The following MGAT4C variants were observed in gnomAD, a reference collection of about 807,000 sequenced individuals.
MGAT4C encodes the protein MGAT4 family member C, also known as alpha-1,3-mannosyl-glycoprotein 4-beta-N-acetylglucosaminyltransferase C.
Under a neutral mutation model 40.1 loss-of-function variants are expected in MGAT4C, and 19 were observed. The observed-to-expected ratio is 0.47, with a 90% CI of 0.33 to 0.70. MGAT4C has a LOEUF of 0.70. Among genes scored for constraint, MGAT4C ranks in the 30% least tolerant of loss-of-function variants. The pLI is 0.02. For synonymous variants in MGAT4C, 181 were observed against 187.1 expected, an observed-to-expected ratio of 0.97 and a Z score of 0.27; for missense variants, 491 against 563.2, an observed-to-expected ratio of 0.87 and a Z score of 1.30.
chr12:86,094,861 CATTAAGTTATAGATTAAAGG>C (rs1260982319), intron 1 of MGAT4C, among the ~76,000 whole-genome samples: 1 of 152,034 alleles, frequency 6.6e-6, no homozygotes, highest in Non-Finnish European at 1.5e-5. Flanking sequence ...TTTCCTTGTA[CATTAAGTTATAGATTAAAGG>C]ATTACAGAGC....
chr12:86,612,792 T>A (rs77318889), intron 2 of MGAT4C, among the ~76,000 whole-genome samples: 1,886 of 144,646 alleles, frequency 0.013, 14 homozygotes, highest in Non-Finnish European at 0.02. Flanking sequence ...CTGCACCAAA[T>A]TAAGCTGTTT....
At chr12:86,346,251 G>A (rs965773875) in intron 3 of MGAT4C, among the ~76,000 whole-genome samples, 3 of 152,050 alleles carry the variant, frequency 2.0e-5, no homozygotes, top group African/African-American at 7.2e-5. Context: ...TTTTGACAGA[G>A]TCTCACTTCT....
At chr12:86,124,704 T>C (rs908399989) in intron 1 of MGAT4C, among the ~76,000 whole-genome samples, 4 of 152,008 alleles carry the variant, frequency 2.6e-5, no homozygotes, top group African/African-American at 9.7e-5. Context: ...GTGGAAGAGG[T>C]TGCTTCAGGT....
intron 2 of MGAT4C, among the ~76,000 whole-genome samples, chr12:86,531,481 G>T (rs1958982475): frequency 6.6e-6 from 1 of 151,994 alleles, no homozygotes; most frequent in Non-Finnish European, 1.5e-5. Context: ...ATTTGGTAAA[G>T]GGCTTCACTT....
intron 3 of MGAT4C, among the ~76,000 whole-genome samples, chr12:86,414,629 T>C (rs1956673007): frequency 6.6e-6 from 1 of 152,172 alleles, no homozygotes; most frequent in African/African-American, 2.4e-5. Flanking sequence ...TCACTTCATG[T>C]TGAAGATCTA....
rs1883830140 is a variant in MGAT4C, at chr12:85,974,640, TA to T, written c.*4648del. ...CATTTCAAAGCATGCCAAAAAGTAA[TA>T]AAAGATATATCCTCTGTTTGGGATA... On this transcript the variant is annotated 3_prime_UTR_variant, in exon 5 of 5. Coordinates refer to ENST00000611864, the MANE Select transcript of MGAT4C (RefSeq NM_001351288.2). 1 of 150,060 alleles carries T rather than the reference TA, an allele frequency of 6.7e-6. No homozygotes were observed. The highest frequency in any genetic ancestry group is 1.5e-5 in the Non-Finnish European group (1 of 66,822). 9.3% of individuals were successfully genotyped at this position (150,060 alleles called of 1,614,324 possible).
chr12:86,052,929 C>G (rs1028602648), intron 1 of MGAT4C, among the ~76,000 whole-genome samples: 1 of 151,944 alleles, frequency 6.6e-6, no homozygotes, highest in African/African-American at 2.4e-5. Flanking sequence ...TAGGTTTCAT[C>G]TCTATAAGCT....
At chr12:86,802,481 C>A (rs1952250749) in intron 1 of MGAT4C, among the ~76,000 whole-genome samples, 1 of 151,966 alleles carries the variant, frequency 6.6e-6, no homozygotes, top group Admixed American at 6.6e-5. Flanking sequence ...TTCAAGCATT[C>A]TGTGTCCTTA....
intron 1 of MGAT4C, among the ~76,000 whole-genome samples, chr12:86,118,636 A>C (rs1878839906): frequency 1.3e-5 from 2 of 152,282 alleles, no homozygotes; most frequent in Middle Eastern, 3.4e-3. Flanking sequence ...TTATTAGTGA[A>C]AAATGATATG....
intron 2 of MGAT4C, among the ~76,000 whole-genome samples, chr12:86,587,681 T>C (rs1427362974): frequency 6.6e-6 from 1 of 152,042 alleles, no homozygotes; most frequent in African/African-American, 2.4e-5. Flanking sequence ...GTAAGGTGGA[T>C]TCCTAGGTAT....
intron 3 of MGAT4C, among the ~76,000 whole-genome samples, chr12:86,362,211 A>G (rs149410072): frequency 3.3e-5 from 5 of 152,328 alleles, no homozygotes; most frequent in African/African-American, 7.2e-5. Context: ...GCTGGAAACC[A>G]TCATTCTCAG....
intron 4 of MGAT4C, among the ~76,000 whole-genome samples, chr12:86,317,758 A>T (rs1175340782): frequency 6.6e-6 from 1 of 151,932 alleles, no homozygotes; most frequent in Non-Finnish European, 1.5e-5. Flanking sequence ...TCTTGTAAAG[A>T]AGTGAATTAA....
chr12:86,245,558 G>A (rs1373311463), intron 1 of MGAT4C, among the ~76,000 whole-genome samples: 1 of 152,184 alleles, frequency 6.6e-6, no homozygotes, highest in East Asian at 1.9e-4. Context: ...AGATTTCTGA[G>A]TGAGTATCTT....
chr12:86,107,131 T>C (rs1876337882), intron 1 of MGAT4C, among the ~76,000 whole-genome samples: 1 of 152,216 alleles, frequency 6.6e-6, no homozygotes, highest in African/African-American at 2.4e-5. Context: ...AGTAAATGTG[T>C]ATCTTGAAAT....
chr12:86,659,535 T>C (rs1214506622), intron 2 of MGAT4C, among the ~76,000 whole-genome samples: 5 of 152,022 alleles, frequency 3.3e-5, no homozygotes, highest in East Asian at 1.9e-4. Flanking sequence ...GTTTAATATA[T>C]AGAAACATTA....
chr12:86,299,380 G>C (rs915799550), intron 4 of MGAT4C, among the ~76,000 whole-genome samples: 2 of 152,186 alleles, frequency 1.3e-5, no homozygotes, highest in Non-Finnish European at 2.9e-5. Flanking sequence ...GCCTCCCAGA[G>C]TGCTGGGATT....
At chr12:86,669,321 A>G (rs1004843105) in intron 2 of MGAT4C, among the ~76,000 whole-genome samples, 1 of 151,514 alleles carries the variant, frequency 6.6e-6, no homozygotes, top group Non-Finnish European at 1.5e-5. Context: ...ATCCAGGTGC[A>G]GGGGGCCCTC....
chr12:86,558,508 A>C (rs554126050), intron 2 of MGAT4C, among the ~76,000 whole-genome samples: 7 of 152,232 alleles, frequency 4.6e-5, no homozygotes, highest in Admixed American at 2.0e-4. Context: ...AAACAAAACT[A>C]AACTAAATGT....
intron 2 of MGAT4C, among the ~76,000 whole-genome samples, chr12:86,652,298 G>T (rs1437430199): frequency 6.6e-6 from 1 of 151,752 alleles, no homozygotes; most frequent in Non-Finnish European, 1.5e-5. Context: ...TTACACTTTG[G>T]ACACCTAAAG....
Sources: allele counts gnomAD v4.1 joint callset (sites outside exome capture counted in the v4.1 genomes callset), GRCh38; gene constraint gnomAD v4.1.1; transcripts MANE v1.5; gene names NCBI Gene and HGNC (gene_info 2026-07-23, HGNC 2026-07-21).